The following LURAP1L variants were observed in gnomAD, a reference collection of about 807,000 sequenced individuals.
LURAP1L encodes leucine rich adaptor protein 1 like.
A neutral mutation model predicts 13.8 loss-of-function variants in LURAP1L; 12 were observed. The ratio of observed to expected loss-of-function variants is 0.87; its 90% CI spans 0.56 to 1.41. The LOEUF is 1.41. LURAP1L is among the 40% of genes most tolerant of loss of function. LURAP1L has a pLI of 0.00. For missense variants in LURAP1L, 375 were observed against 292.9 expected, an observed-to-expected ratio of 1.28 and a Z score of -2.04; for synonymous variants, 139 against 119.2, an observed-to-expected ratio of 1.17 and a Z score of -1.08.
At chr9:12,809,905 T>C (rs1235356116) in intron 1 of LURAP1L, among the ~76,000 whole-genome samples, 1 of 152,190 alleles carries the variant, frequency 6.6e-6, no homozygotes, top group African/African-American at 2.4e-5. Flanking sequence ...TGCAGTTCTT[T>C]TTGCTGTAAT....
intron 1 of LURAP1L, among the ~76,000 whole-genome samples, chr9:12,788,883 G>A (rs1003088272): frequency 5.3e-5 from 8 of 150,066 alleles, no homozygotes; most frequent in East Asian, 3.9e-4. Flanking sequence ...GCAACAAAGC[G>A]AGACCCTATA....
At chr9:12,789,938 T>C (rs1463453825) in intron 1 of LURAP1L, among the ~76,000 whole-genome samples, 1 of 152,190 alleles carries the variant, frequency 6.6e-6, no homozygotes, top group Non-Finnish European at 1.5e-5. Context: ...ATTTTTTAAT[T>C]GTGACGACAA....
At chr9:12,820,268 G>T (rs1819855291) in intron 1 of LURAP1L, among the ~76,000 whole-genome samples, 1 of 151,974 alleles carries the variant, frequency 6.6e-6, no homozygotes, top group Non-Finnish European at 1.5e-5. Context: ...ACTTTGGGAG[G>T]CCGAGGCGGG....
In LURAP1L at chr9:12,818,834, A is replaced by C. The variant is rs188953790; in HGVS notation, c.313-2552A>C. Among the ~76,000 whole-genome samples the C allele has an allele frequency of 4.2e-3, 637 of 152,298 alleles. 7 individuals carry two copies. Among genetic ancestry groups the C allele is most frequent in the African/African-American group, 0.014 (577 of 41,568 alleles). On this transcript the variant is annotated intron_variant, in intron 1 of 1. Transcript: ENST00000319264. ...GATTTATTTGGGTGGCTATTGGGAA[A>C]TGGTCAGATTGATATTCTGCCATGG...
intron 1 of LURAP1L, among the ~76,000 whole-genome samples, chr9:12,815,043 G>A (rs1174165964): frequency 2.0e-5 from 3 of 152,186 alleles, no homozygotes; most frequent in African/African-American, 7.2e-5. Context: ...ACCAAAAACA[G>A]TGAGTGGAAA....
At chr9:12,800,619 CAAG>C (rs1353518727) in intron 1 of LURAP1L, among the ~76,000 whole-genome samples, 1 of 151,868 alleles carries the variant, frequency 6.6e-6, no homozygotes, top group Non-Finnish European at 1.5e-5. Flanking sequence ...AAGAATCATT[CAAG>C]AATATCTGAA....
chr9:12,800,670 A>G (rs927454984), intron 1 of LURAP1L, among the ~76,000 whole-genome samples: 1 of 152,232 alleles, frequency 6.6e-6, no homozygotes, highest in African/African-American at 2.4e-5. Flanking sequence ...TAGAAAAGAA[A>G]TAATGTCTGT....
intron 1 of LURAP1L, among the ~76,000 whole-genome samples, chr9:12,779,775 T>C (rs1819244279): frequency 6.6e-6 from 1 of 152,194 alleles, no homozygotes; most frequent in South Asian, 2.1e-4. Flanking sequence ...CAAATGAATA[T>C]TTCTATTCTT....
At chr9:12,788,710 C>T (rs139517720) in intron 1 of LURAP1L, among the ~76,000 whole-genome samples, 10 of 151,980 alleles carry the variant, frequency 6.6e-5, no homozygotes, top group Non-Finnish European at 1.2e-4. Context: ...GAATGAAATA[C>T]CCTATAATGT....
chr9:12,778,016 T>C (rs940597604), intron 1 of LURAP1L, among the ~76,000 whole-genome samples: 6 of 152,200 alleles, frequency 3.9e-5, no homozygotes, highest in Non-Finnish European at 8.8e-5. Flanking sequence ...CTTTACTTTT[T>C]TGAGACACAA....
Position 12,821,620 on chromosome 9 carries a change from C to G in LURAP1L, c.547C>G (p.Leu183Val), listed in dbSNP as rs746247829. The change falls in exon 2 of 2, where the codon CTG becomes GTG. Residue 183 changes from leucine to valine, a missense_variant. By Grantham distance (32) the Leu-to-Val change is conservative (BLOSUM62 1). Coordinates refer to ENST00000319264, the MANE Select transcript of LURAP1L (RefSeq NM_203403.2). Reference protein sequence around the residue: ...GLDGISVGSYLDTLADDVPGH... With the variant: ...GLDGISVGSYVDTLADDVPGH... ...GGATGGCATTTCCGTGGGAAGTTATCTGGACACGTTGGCGGATGATGTCCC... is the reference window on the plus strand; with the variant it reads ...GGATGGCATTTCCGTGGGAAGTTATGTGGACACGTTGGCGGATGATGTCCC... The G allele has an allele frequency of 2.5e-6, 4 of 1,614,190 alleles. No individual in the cohort carries two copies. Among genetic ancestry groups the G allele is most frequent in the Non-Finnish European group, 3.4e-6 (4 of 1,180,044 alleles).
At chr9:12,808,029 A>C (rs1454756469) in intron 1 of LURAP1L, among the ~76,000 whole-genome samples, 1 of 152,182 alleles carries the variant, frequency 6.6e-6, no homozygotes, top group Non-Finnish European at 1.5e-5. Context: ...TAAAATGACT[A>C]TCATTCATTT....
intron 1 of LURAP1L, among the ~76,000 whole-genome samples, chr9:12,807,707 A>G (rs1263551532): frequency 6.6e-6 from 1 of 152,156 alleles, no homozygotes; most frequent in Non-Finnish European, 1.5e-5. Flanking sequence ...AATAGCGATC[A>G]TATTTGTACA....
chr9:12,777,206 CA>C, intron 1 of LURAP1L: 1 of 983,966 alleles, frequency 1.0e-6, no homozygotes, highest in Non-Finnish European at 1.2e-6. Context: ...TTAGGTTGGA[CA>C]AAAATTTAAG....
intron 1 of LURAP1L, among the ~76,000 whole-genome samples, chr9:12,807,891 G>A (rs528163907): frequency 6.6e-6 from 1 of 151,796 alleles, no homozygotes; most frequent in Non-Finnish European, 1.5e-5. Flanking sequence ...ATTTTTAGTG[G>A]TTGCCCTAGA....
At chr9:12,778,069 G>A (rs1190857835) in intron 1 of LURAP1L, among the ~76,000 whole-genome samples, 1 of 152,160 alleles carries the variant, frequency 6.6e-6, no homozygotes, top group Non-Finnish European at 1.5e-5. Flanking sequence ...TAAGGTCCCT[G>A]ATAATTTGTC....
At chr9:12,781,759 C>T (rs908260445) in intron 1 of LURAP1L, among the ~76,000 whole-genome samples, 3 of 152,092 alleles carry the variant, frequency 2.0e-5, no homozygotes, top group African/African-American at 7.2e-5. Flanking sequence ...TTTCCTTTCT[C>T]CTGAGTATAT....
intron 1 of LURAP1L, among the ~76,000 whole-genome samples, chr9:12,794,872 C>G (rs1181427777): frequency 6.6e-6 from 1 of 151,596 alleles, no homozygotes; most frequent in Non-Finnish European, 1.5e-5. Flanking sequence ...TTGTGATAAG[C>G]CCCAAAGTAA....
At chr9:12,781,892 C>G (rs888377140) in intron 1 of LURAP1L, among the ~76,000 whole-genome samples, 1 of 152,060 alleles carries the variant, frequency 6.6e-6, no homozygotes, top group Non-Finnish European at 1.5e-5. Context: ...ACAAGGGTTC[C>G]CTTTTGTCCA....
Sources: gnomAD v4.1 joint callset for allele counts (sites outside exome capture counted in the v4.1 genomes callset) on GRCh38, gnomAD v4.1.1 for gene constraint, MANE v1.5 for transcripts, NCBI Gene and HGNC (gene_info 2026-07-23, HGNC 2026-07-21) for gene names.